The following SORCS2 variants were observed in gnomAD, a reference collection of about 807,000 sequenced individuals.
SORCS2 encodes the protein VPS10 domain-containing receptor SorCS2.
A neutral mutation model predicts 141.6 loss-of-function variants in SORCS2; 100 were observed. The ratio of observed to expected loss-of-function variants is 0.71; its 90% CI spans 0.60 to 0.83. The LOEUF is 0.83. SORCS2 is among the 40% of genes least tolerant of loss of function. SORCS2 has a pLI of 0.00. For missense variants in SORCS2, 1,646 were observed against 1,560.2 expected, an observed-to-expected ratio of 1.05 and a Z score of -0.93; for synonymous variants, 789 against 676.9, an observed-to-expected ratio of 1.17 and a Z score of -2.57.
chr4:7,473,721 G>T (rs1730120155), intron 2 of SORCS2, among the ~76,000 whole-genome samples: 1 of 152,092 alleles, frequency 6.6e-6, no homozygotes, highest in African/African-American at 2.4e-5. Context: ...ACTGCTCCTG[G>T]CTGGGAGGCT....
chr4:7,710,830 T>C (rs1725786106), intron 14 of SORCS2, among the ~76,000 whole-genome samples: 1 of 152,212 alleles, frequency 6.6e-6, no homozygotes, highest in Non-Finnish European at 1.5e-5. Flanking sequence ...TTGGTGGGTG[T>C]TGCCACTAGC....
intron 5 of SORCS2, among the ~76,000 whole-genome samples, chr4:7,658,380 C>A (rs1037417036): frequency 3.3e-5 from 5 of 151,524 alleles, no homozygotes; most frequent in Non-Finnish European, 5.9e-5. Context: ...GGTGTCATTG[C>A]CCCTCTTCAC....
At chr4:7,375,534 C>A (rs577577274) in intron 1 of SORCS2, among the ~76,000 whole-genome samples, 13 of 152,314 alleles carry the variant, frequency 8.5e-5, no homozygotes, top group Non-Finnish European at 1.8e-4. Flanking sequence ...CATGTCCAGT[C>A]ATGGGAGCGA....
intron 1 of SORCS2, among the ~76,000 whole-genome samples, chr4:7,296,834 A>G (rs573577862): frequency 5.7e-4 from 86 of 152,158 alleles, no homozygotes; most frequent in African/African-American, 2.0e-3. Flanking sequence ...GCTTCCCTCT[A>G]TCGCTCGGTA....
At chr4:7,235,294 C>T (rs542774919) in intron 1 of SORCS2, among the ~76,000 whole-genome samples, 60 of 152,352 alleles carry the variant, frequency 3.9e-4, no homozygotes, top group African/African-American at 7.0e-4. Context: ...GGAAACTGGG[C>T]GTGGCCTCAT....
Position 7,741,739 on chromosome 4 carries a change from T to G in SORCS2, c.*1475T>G, listed in dbSNP as rs530806970. The G allele has an allele frequency of 6.5e-6, 1 of 154,970 alleles. No homozygotes were observed. Among genetic ancestry groups the G allele is most frequent in the Non-Finnish European group, 1.4e-5 (1 of 70,376 alleles). The allele number at this position is 154,970 out of a possible 1,614,324, so 9.6% of individuals were successfully genotyped here. ...AACGCCAGAGCCCTGGCTGGTGACA[T>G]GCTGGCTGGGGGTGAATCCGAATGA... On this transcript the variant is annotated 3_prime_UTR_variant, in exon 27 of 27. Transcript: ENST00000507866.
At chr4:7,594,850 ATAG>A (rs1345554329) in intron 3 of SORCS2, among the ~76,000 whole-genome samples, 1 of 152,180 alleles carries the variant, frequency 6.6e-6, no homozygotes, top group Non-Finnish European at 1.5e-5. Flanking sequence ...AACCAGCATA[ATAG>A]TAGCAGCAAA....
rs1005365361 is a variant in SORCS2 at position 7,663,318 on chromosome 4, G to C, written c.953-1035G>C. The stretch of plus-strand genomic sequence containing the variant: ...AATGAGTGACTGAGTGAATGAATGA[G>C]TGAGTGAGTGATTGAGTGAGTGAGT... On this transcript the variant is annotated intron_variant, in intron 6 of 26. Coordinates refer to ENST00000507866, the MANE Select transcript of SORCS2 (RefSeq NM_020777.3). The surrounding 1 kb of genome is among the most constrained non-coding windows in gnomAD (Gnocchi z 4.8). Among the ~76,000 whole-genome samples, 3 of 151,952 alleles carry C rather than the reference G, an allele frequency of 2.0e-5. No individual in the cohort carries two copies. Among genetic ancestry groups the C allele is most frequent in the Non-Finnish European group, 4.4e-5 (3 of 67,972 alleles).
intron 3 of SORCS2, among the ~76,000 whole-genome samples, chr4:7,599,954 G>C (rs144797057): frequency 6.6e-6 from 1 of 151,842 alleles, no homozygotes; most frequent in Non-Finnish European, 1.5e-5. Flanking sequence ...CTCCCAAGGA[G>C]CTGGGGTTAC....
intron 3 of SORCS2, among the ~76,000 whole-genome samples, chr4:7,578,971 A>G (rs1031497368): frequency 2.0e-5 from 3 of 152,182 alleles, no homozygotes; most frequent in African/African-American, 7.2e-5. Flanking sequence ...TTGTCTTCCC[A>G]TGATGCCCCC....
intron 1 of SORCS2, among the ~76,000 whole-genome samples, chr4:7,195,645 C>T (rs1276274484): frequency 6.6e-6 from 1 of 152,210 alleles, no homozygotes; most frequent in Non-Finnish European, 1.5e-5. Flanking sequence ...AAGAAAAAAT[C>T]ATTGCCTTAG....
chr4:7,693,329 C>T (rs949497083), intron 11 of SORCS2, among the ~76,000 whole-genome samples: 9 of 152,218 alleles, frequency 5.9e-5, no homozygotes, highest in South Asian at 2.1e-4. Context: ...CCAGTGTTCC[C>T]GGACCCTGCA....
At position 7,695,578 on chromosome 4, in the gene SORCS2, GGATGGATT is replaced by G. The variant is rs1560490084; in HGVS notation, c.1592-1618_1592-1611del. 4.9e-3 allele frequency among the ~76,000 whole-genome samples: 268 copies of G among 55,092 alleles called. 1 individual carries two copies. Among genetic ancestry groups the G allele is most frequent in the Middle Eastern group, 9.6e-3 (1 of 104 alleles). The allele number at this position is 55,092 out of a possible 152,430, so 36.1% of individuals were successfully genotyped here. A position where few individuals can be genotyped will look rare whatever the true frequency, so the allele number is the denominator to read the frequency against. On this transcript the variant is annotated intron_variant, in intron 11 of 26. Transcript: ENST00000507866. The stretch of plus-strand genomic sequence containing the variant: ...TGGATGGATGCATGGATGGATGGAT[GGATGGATT>G]GGTGGGTGGGTGGGTGGATGGATGG...
chr4:7,273,497 C>T (rs1466190386), intron 1 of SORCS2, among the ~76,000 whole-genome samples: 1 of 152,076 alleles, frequency 6.6e-6, no homozygotes, highest in Non-Finnish European at 1.5e-5. Context: ...GAGGCTGAGG[C>T]AGAGGGAGAG....
chr4:7,319,924 C>G (rs1157434256), intron 1 of SORCS2, among the ~76,000 whole-genome samples: 1 of 152,162 alleles, frequency 6.6e-6, no homozygotes, highest in African/African-American at 2.4e-5. Flanking sequence ...CTGCCTCTTT[C>G]TTTTATGTTA....
chr4:7,254,319 C>T (rs964784709), intron 1 of SORCS2, among the ~76,000 whole-genome samples: 2 of 152,148 alleles, frequency 1.3e-5, no homozygotes, highest in Admixed American at 6.5e-5. Flanking sequence ...CTAGACACAC[C>T]ATGGAATACT....
chr4:7,741,674 TG>T lies in SORCS2; in HGVS notation c.*1415del. Reference sequence around the variant, plus strand: ...GAGCCCTGGATGGTGATGCGCTGGCTGGGGGTGAATCCCAATGAGGGTCCCT... The same window carrying T: ...GAGCCCTGGATGGTGATGCGCTGGCTGGGGTGAATCCCAATGAGGGTCCCT... On this transcript the variant is annotated 3_prime_UTR_variant, in exon 27 of 27. Coordinates refer to ENST00000507866, the MANE Select transcript of SORCS2 (RefSeq NM_020777.3). The T allele has an allele frequency of 6.1e-6, 1 of 164,142 alleles. No homozygotes were observed. The highest frequency in any genetic ancestry group is 1.3e-5 in the Non-Finnish European group (1 of 77,090). The allele number at this position is 164,142 out of a possible 1,614,324, so 10.2% of individuals were successfully genotyped here.
chr4:7,683,012 A>C, intron 10 of SORCS2, 123 bp downstream of exon 10: 1 of 1,244,080 alleles, frequency 8.0e-7, no homozygotes, highest in South Asian at 1.6e-5. Flanking sequence ...TGAACCACCT[A>C]TTTCTGCTGG....
At chr4:7,360,663 C>T (rs773672880) in intron 1 of SORCS2, among the ~76,000 whole-genome samples, 6 of 127,334 alleles carry the variant, frequency 4.7e-5, no homozygotes, top group South Asian at 5.3e-4. Context: ...ACTGTTGCTT[C>T]GACCTCCCAG....
Sources: gnomAD v4.1 joint callset for allele counts (sites outside exome capture counted in the v4.1 genomes callset) on GRCh38, gnomAD v4.1.1 for gene constraint, Gnocchi (gnomAD v3.1) non-coding constraint, MANE v1.5 for transcripts, NCBI Gene and HGNC (gene_info 2026-07-23, HGNC 2026-07-21) for gene names.